Variants in GPC1 observed in about 807,000 individuals in gnomAD.
GPC1 encodes glypican-1.
GPC1 carries 26 observed loss-of-function variants against 51.5 expected under a neutral mutation model. That is an observed-to-expected ratio of 0.50 (90% CI 0.37 to 0.70). GPC1 has a LOEUF of 0.70. Among genes scored for constraint, GPC1 ranks in the 30% least tolerant of loss-of-function variants. GPC1 has a pLI of 0.00. For missense variants in GPC1, 775 were observed against 800.5 expected, an observed-to-expected ratio of 0.97 and a Z score of 0.38; for synonymous variants, 380 against 348.3, an observed-to-expected ratio of 1.09 and a Z score of -1.01.
At position 240,444,242 on chromosome 2, in the gene GPC1, C is replaced by T. The variant is rs2074035705; in HGVS notation, c.166+8158C>T. 4.6e-5 allele frequency among the ~76,000 whole-genome samples: 7 copies of T among 152,224 alleles called. No individual in the cohort carries two copies. In the South Asian group the frequency reaches 1.4e-3, roughly 31 times the overall value. ...CCCCACAGTGGGCACCACATGCCCG[C>T]CTGCTGTCCTGGCTCCTCCTGAGGG... On this transcript the variant is annotated intron_variant, in intron 1 of 8. Transcript: ENST00000264039.
chr2:240,464,448 C>T, intron 4 of GPC1, 168 bp from the exon 5 acceptor site: 5 of 816,330 alleles, frequency 6.1e-6, no homozygotes, highest in Non-Finnish European at 1.0e-5. Context: ...TGCACGTGGC[C>T]TGCACATGTC....
At chr2:240,438,327 G>A (rs1297789125) in intron 1 of GPC1, among the ~76,000 whole-genome samples, 1 of 152,208 alleles carries the variant, frequency 6.6e-6, no homozygotes, top group Non-Finnish European at 1.5e-5. Flanking sequence ...TGGGAGCCAC[G>A]TGGGCTGAGG....
chr2:240,444,410 T>A (rs1313879475), intron 1 of GPC1, among the ~76,000 whole-genome samples: 1 of 152,156 alleles, frequency 6.6e-6, no homozygotes, highest in African/African-American at 2.4e-5. Flanking sequence ...TGCGGCACTG[T>A]CCATCCTGAG....
chr2:240,465,744 C>T (rs1298971309), intron 8 of GPC1, 96 bp downstream of exon 8: 10 of 1,014,184 alleles, frequency 9.9e-6, no homozygotes, highest in South Asian at 1.5e-5. Context: ...CCCGAGGGGC[C>T]CTCTGCTCCG....
At position 240,466,604 on chromosome 2, in the gene GPC1, C is replaced by A. The variant is rs2074263814; in HGVS notation, c.*314C>A. The A allele has an allele frequency of 5.4e-6, 2 of 367,968 alleles. No homozygotes were observed. The highest frequency in any genetic ancestry group is 9.8e-6 in the Non-Finnish European group (2 of 203,316). 22.8% of individuals were successfully genotyped at this position (367,968 alleles called of 1,614,324 possible). A position where few individuals can be genotyped will look rare whatever the true frequency, so the allele number is the denominator to read the frequency against. On this transcript the variant is annotated 3_prime_UTR_variant, in exon 9 of 9. Transcript: ENST00000264039. ...TCCCTGCACCGCCGCAGAAGCAGCC[C>A]CTCGAGGCCTACAGAGGAGGCCTCA...
chr2:240,451,606 T>C (rs1425745340), intron 1 of GPC1: 1 of 248,538 alleles, frequency 4.0e-6, no homozygotes, highest in Non-Finnish European at 7.9e-6. Context: ...CATCCTGGGT[T>C]CGAAGAGTGG....
intron 4 of GPC1, chr2:240,463,746 C>T (rs905671776): frequency 3.6e-6 from 2 of 560,408 alleles, no homozygotes; most frequent in African/African-American, 3.8e-5. Flanking sequence ...CCTGTGGGGT[C>T]ATAGTTTCTT....
intron 1 of GPC1, among the ~76,000 whole-genome samples, chr2:240,447,619 G>T (rs55963077): frequency 0.092 from 13,934 of 152,272 alleles, 775 homozygotes; most frequent in Non-Finnish European, 0.12. Flanking sequence ...TTAGCAAAGG[G>T]GCGGGTCCTG....
At chr2:240,441,520 C>T (rs1203806359) in intron 1 of GPC1, among the ~76,000 whole-genome samples, 1 of 152,266 alleles carries the variant, frequency 6.6e-6, no homozygotes, top group Non-Finnish European at 1.5e-5. Context: ...GGCCTCTGCC[C>T]AGCCCTGGCC....
intron 1 of GPC1, chr2:240,450,444 G>A (rs1333963622): frequency 5.3e-6 from 2 of 375,428 alleles, no homozygotes; most frequent in East Asian, 1.5e-4. Context: ...CTCCTAGCCT[G>A]TGACCTTGCA....
At chr2:240,461,163 A>C (rs1013386290) in intron 2 of GPC1, among the ~76,000 whole-genome samples, 4 of 152,176 alleles carry the variant, frequency 2.6e-5, no homozygotes, top group Non-Finnish European at 4.4e-5. Flanking sequence ...CAAGGTGGAC[A>C]CTGGACAGCT....
chr2:240,450,987 G>A (rs1221591729), intron 1 of GPC1: 1 of 407,834 alleles, frequency 2.5e-6, no homozygotes, highest in South Asian at 1.9e-5. Context: ...TGGGTGGGGT[G>A]ACTGGGTGGA....
At chr2:240,446,736 G>A (rs1220517867) in intron 1 of GPC1, among the ~76,000 whole-genome samples, 1 of 152,172 alleles carries the variant, frequency 6.6e-6, no homozygotes, top group Non-Finnish European at 1.5e-5. Flanking sequence ...GAGCATCTGG[G>A]TCCTGGAGCA....
intron 1 of GPC1, among the ~76,000 whole-genome samples, chr2:240,436,799 C>T (rs2073987172): frequency 6.6e-6 from 1 of 152,268 alleles, no homozygotes; most frequent in Non-Finnish European, 1.5e-5. Context: ...TGCCGCGAGT[C>T]CAGCTGCAGG....
chr2:240,442,752 C>T (rs970617835), intron 1 of GPC1, among the ~76,000 whole-genome samples: 3 of 152,224 alleles, frequency 2.0e-5, no homozygotes, highest in African/African-American at 7.2e-5. Flanking sequence ...CAGCCCGGCA[C>T]ACCTACATCT....
In GPC1 at chr2:240,466,304, C is replaced by A; in HGVS notation, c.*14C>A. The A allele has an allele frequency of 1.4e-6, 2 of 1,411,052 alleles. No homozygotes were observed. Among genetic ancestry groups the A allele is most frequent in the South Asian group, 1.1e-5 (1 of 87,046 alleles). The allele number at this position is 1,411,052 out of a possible 1,614,324, so 87.4% of individuals were successfully genotyped here. A position where few individuals can be genotyped will look rare whatever the true frequency, so the allele number is the denominator to read the frequency against. Reference sequence around the variant, plus strand: ...CGGTGGCGGTAACTGCCCCAAGGCCCCAGGGACAGAGGCCAAGGACTGACT... The same window carrying A: ...CGGTGGCGGTAACTGCCCCAAGGCCACAGGGACAGAGGCCAAGGACTGACT... On this transcript the variant is annotated 3_prime_UTR_variant, in exon 9 of 9. Transcript: ENST00000264039.
chr2:240,456,561 C>T lies in GPC1; in HGVS notation c.167-2469C>T, dbSNP rs1448105354. 6.4e-6 allele frequency: 3 copies of T among 467,952 alleles called. No individual in the cohort carries two copies. In the Admixed American group the frequency reaches 7.1e-5, roughly 11 times the overall value. The allele number at this position is 467,952 out of a possible 1,614,324, so 29.0% of individuals were successfully genotyped here. ...CAGCTGGCACCTGCCACCCCCTCCC[C>T]CAGGCACGTTTCCCTCCCACTGCCC... On this transcript the variant is annotated intron_variant, in intron 1 of 8. Coordinates refer to ENST00000264039, the MANE Select transcript of GPC1 (RefSeq NM_002081.3).
At chr2:240,456,920 G>T (rs1010340527) in intron 1 of GPC1, among the ~76,000 whole-genome samples, 2 of 152,164 alleles carry the variant, frequency 1.3e-5, no homozygotes, top group African/African-American at 4.8e-5. Context: ...TTCTCTACTA[G>T]GCCCCAGGGC....
chr2:240,458,674 CT>C, intron 1 of GPC1: 1 of 233,340 alleles, frequency 4.3e-6, no homozygotes, highest in South Asian at 1.2e-4. Flanking sequence ...CAAGGGGTGC[CT>C]TTCGGGCCTG....
Sources: gnomAD v4.1 joint callset for allele counts (sites outside exome capture counted in the v4.1 genomes callset) on GRCh38, gnomAD v4.1.1 for gene constraint, MANE v1.5 for transcripts, NCBI Gene and HGNC (gene_info 2026-07-23, HGNC 2026-07-21) for gene names.